Variants in EHF observed in about 807,000 individuals in gnomAD.
EHF encodes ESE3 transcription factor.
In EHF, 14 loss-of-function variants were observed where a neutral mutation model predicts 45.1. That is an observed-to-expected ratio of 0.31 (90% confidence interval 0.21 to 0.49). The LOEUF (loss-of-function observed/expected upper bound fraction) is 0.49. EHF is among the 20% of genes least tolerant of loss of function. EHF has a pLI of 0.99. For missense variants in EHF, 282 were observed against 371.4 expected, an observed-to-expected ratio of 0.76 and a Z score of 1.98; for synonymous variants, 136 against 131.8, an observed-to-expected ratio of 1.03 and a Z score of -0.22.
intron 6 of EHF, among the ~76,000 whole-genome samples, chr11:34,655,931 A>G (rs1484142366): frequency 6.6e-6 from 1 of 152,158 alleles, no homozygotes; most frequent in Non-Finnish European, 1.5e-5. Context: ...CACATGAAAG[A>G]GATCAGTTTT....
intron 1 of EHF, among the ~76,000 whole-genome samples, chr11:34,633,008 C>T (rs1485769759): frequency 2.6e-5 from 4 of 152,046 alleles, no homozygotes; most frequent in Admixed American, 2.6e-4. Flanking sequence ...GGCTTAAGTC[C>T]AGGGTAATTA....
At chr11:34,623,322 G>A (rs928513371) in intron 1 of EHF, among the ~76,000 whole-genome samples, 1 of 152,242 alleles carries the variant, frequency 6.6e-6, no homozygotes, top group African/African-American at 2.4e-5. Flanking sequence ...CTGACCTCAG[G>A]TGATCCACCT....
chr11:34,647,087 C>CG (rs1257222860), intron 3 of EHF, among the ~76,000 whole-genome samples: 1 of 149,762 alleles, frequency 6.7e-6, no homozygotes, highest in Admixed American at 6.6e-5. Context: ...AAACAAAACC[C>CG]CCCCCACACA....
chr11:34,656,842 A>G, intron 6 of EHF, 66 bp from the exon 7 acceptor site: 1 of 1,551,914 alleles, frequency 6.4e-7, no homozygotes, highest in Non-Finnish European at 8.8e-7. Context: ...AAATGAGTGG[A>G]TGCATGAATA....
At position 34,659,787 on chromosome 11, in the gene EHF, T is replaced by C. The variant is rs779869175; in HGVS notation, c.*856T>C. ...TGAAGAGTTTGCTCTTGTATCCCTATAGTCCAAGGTTTCTCAATCTGCACA... is the reference window on the plus strand; with the variant it reads ...TGAAGAGTTTGCTCTTGTATCCCTACAGTCCAAGGTTTCTCAATCTGCACA... On this transcript the variant is annotated 3_prime_UTR_variant, in exon 9 of 9. Transcript: ENST00000257831. 2.6e-5 allele frequency: 4 copies of C among 152,190 alleles called. No homozygotes were observed. The highest frequency in any genetic ancestry group is 5.9e-5 in the Non-Finnish European group (4 of 68,036). 9.4% of individuals were successfully genotyped at this position (152,190 alleles called of 1,614,324 possible).
At chr11:34,651,870 C>A in intron 6 of EHF, 65 bp downstream of exon 6, 1 of 1,437,192 alleles carries the variant, frequency 7.0e-7, no homozygotes, top group Non-Finnish European at 9.6e-7. Flanking sequence ...TGGGAATTAC[C>A]AACACTCTAC....
intron 6 of EHF, 68 bp downstream of exon 6, chr11:34,651,873 C>A: frequency 1.4e-6 from 2 of 1,436,322 alleles, no homozygotes; most frequent in South Asian, 1.2e-5. Context: ...GAATTACCAA[C>A]ACTCTACATT....
intron 1 of EHF, among the ~76,000 whole-genome samples, chr11:34,638,579 G>T (rs1022926594): frequency 5.3e-5 from 8 of 152,172 alleles, no homozygotes; most frequent in African/African-American, 1.9e-4. Context: ...ACTGGGGGTG[G>T]TTTTTGCCTC....
intron 2 of EHF, among the ~76,000 whole-genome samples, chr11:34,644,579 T>C (rs1292109086): frequency 2.0e-5 from 3 of 152,238 alleles, no homozygotes; most frequent in Non-Finnish European, 4.4e-5. Context: ...CAGTCACCTC[T>C]GTGTGCTAGA....
chr11:34,648,661 T>G (rs1435274099), intron 3 of EHF, among the ~76,000 whole-genome samples: 1 of 152,210 alleles, frequency 6.6e-6, no homozygotes, highest in Non-Finnish European at 1.5e-5. Flanking sequence ...TAGTTTAATC[T>G]TGTTACAGAT....
chr11:34,656,642 G>C (rs187242456), intron 6 of EHF, among the ~76,000 whole-genome samples: 1 of 152,096 alleles, frequency 6.6e-6, no homozygotes, highest in African/African-American at 2.4e-5. Context: ...CCTTTAGGTC[G>C]TGGAATCAGA....
intron 1 of EHF, among the ~76,000 whole-genome samples, chr11:34,623,927 A>G (rs944662985): frequency 1.3e-5 from 2 of 152,052 alleles, no homozygotes; most frequent in Non-Finnish European, 2.9e-5. Context: ...TTGAGAAGTT[A>G]TTGTCTTTTC....
In EHF at chr11:34,642,747, T is replaced by G; in HGVS notation, c.97+20T>G. 1 of 1,556,798 alleles carries G rather than the reference T, an allele frequency of 6.4e-7. No individual in the cohort carries two copies. The highest frequency in any genetic ancestry group is 8.9e-7 in the Non-Finnish European group (1 of 1,127,916). ...GCAATGGTAAGAGGGCCTGTGGGTG[T>G]TGGTGTCACTGCTGTGCTGTGTGGG... On this transcript the variant is annotated intron_variant, in intron 2 of 8. Coordinates refer to ENST00000257831, the MANE Select transcript of EHF (RefSeq NM_012153.6).
chr11:34,642,773 C>G (rs769491642), intron 2 of EHF, 46 bp downstream of exon 2: 2 of 1,389,806 alleles, frequency 1.4e-6, no homozygotes, highest in Admixed American at 3.4e-5. Flanking sequence ...GCTGTGTGGG[C>G]TCTTTGCTTT....
At chr11:34,640,855 A>G (rs1289449793) in intron 1 of EHF, among the ~76,000 whole-genome samples, 1 of 152,206 alleles carries the variant, frequency 6.6e-6, no homozygotes, top group East Asian at 1.9e-4. Context: ...GACGCTCCTC[A>G]TGATAACACC....
intron 1 of EHF, among the ~76,000 whole-genome samples, chr11:34,636,868 A>G (rs1419809915): frequency 6.6e-6 from 1 of 152,146 alleles, no homozygotes; most frequent in Non-Finnish European, 1.5e-5. Flanking sequence ...AGTCTCTACT[A>G]AAAATACAAA....
At chr11:34,629,858 GGT>G (rs908030863) in intron 1 of EHF, among the ~76,000 whole-genome samples, 2 of 97,686 alleles carry the variant, frequency 2.0e-5, no homozygotes, top group African/African-American at 3.1e-5. Flanking sequence ...CATTTCCCAA[GGT>G]TTTTTTTTTC....
intron 2 of EHF, among the ~76,000 whole-genome samples, chr11:34,644,319 C>T (rs1031759619): frequency 1.3e-5 from 2 of 152,168 alleles, no homozygotes; most frequent in Non-Finnish European, 2.9e-5. Context: ...AATATATATC[C>T]CATCCTTAAA....
rs1346187668 is a variant in EHF at position 34,661,733 on chromosome 11, C to T, written c.*2802C>T. 1.3e-5 allele frequency among the ~76,000 whole-genome samples: 2 copies of T among 152,118 alleles called. No individual in the cohort carries two copies. Among genetic ancestry groups the T allele is most frequent in the Admixed American group, 1.3e-4 (2 of 15,256 alleles). Reference sequence around the variant, plus strand: ...GGGAGAGCAAAGTCTTATGGATAAACCCTCCTTTCTTTTGGGGACACATGG... The same window carrying T: ...GGGAGAGCAAAGTCTTATGGATAAATCCTCCTTTCTTTTGGGGACACATGG... On this transcript the variant is annotated 3_prime_UTR_variant, in exon 9 of 9. Transcript: ENST00000257831.
Sources: allele counts gnomAD v4.1 joint callset (sites outside exome capture counted in the v4.1 genomes callset), GRCh38; gene constraint gnomAD v4.1.1; transcripts MANE v1.5; gene names NCBI Gene and HGNC (gene_info 2026-07-23, HGNC 2026-07-21).